The following LGR6 variants were observed in gnomAD, a reference collection of about 807,000 sequenced individuals.
The protein encoded by LGR6 is leucine rich repeat containing G protein-coupled receptor 6.
Under a neutral mutation model 69.4 loss-of-function variants are expected in LGR6, and 45 were observed. That is an observed-to-expected ratio of 0.65 (90% CI 0.51 to 0.83). LGR6 has a LOEUF of 0.83. Ranked by LOEUF, LGR6 falls within the 40% of genes least tolerant of loss-of-function variation. The pLI is 0.00. For missense variants in LGR6, 1,108 were observed against 1,246.7 expected (o/e 0.89, Z 1.68); for synonymous variants, 538 against 555.0 (o/e 0.97, Z 0.43).
intron 1 of LGR6, among the ~76,000 whole-genome samples, chr1:202,197,981 G>A (rs1256161799): frequency 6.6e-6 from 1 of 152,122 alleles, no homozygotes; most frequent in Non-Finnish European, 1.5e-5. Flanking sequence ...CATTTTCATC[G>A]CCCACTGCCA....
At position 202,300,852 on chromosome 1, in the gene LGR6, G is replaced by C. The variant is rs758216363; in HGVS notation, c.789G>C (p.Gly263=). 2 of 1,609,196 alleles carry C rather than the reference G, an allele frequency of 1.2e-6. No homozygotes were observed. Among genetic ancestry groups the C allele is most frequent in the South Asian group, 1.1e-5 (1 of 90,128 alleles). Residue 263 remains glycine (G), a synonymous_variant, in exon 8 of 18, where the codon GGG becomes GGC. Transcript: ENST00000367278. ...IRTLGRLQEL[G]FHNNNIKAIP... ...GGTTCCTGGTGTTGTCTTCCAGGGG[G>C]TTCCATAACAACAACATCAAGGCCA...
rs369670461 is a variant in LGR6 at position 202,318,205 on chromosome 1, C to G, written c.1902C>G (p.Ala634=). 10 of 1,612,822 alleles carry G rather than the reference C, an allele frequency of 6.2e-6. No homozygotes were observed. In the African/African-American group the frequency reaches 1.1e-4, roughly 17 times the overall value. The change falls in exon 18 of 18, where the codon GCC becomes GCG. Residue 634 remains alanine (A), a synonymous_variant. Transcript: ENST00000367278. ...LTFGQFSEYG[A]RWETGLGCRA... ...TTGGTCAGTTCTCTGAGTACGGAGCCCGCTGGGAGACGGGGCTAGGCTGCC... is the reference window on the plus strand; with the variant it reads ...TTGGTCAGTTCTCTGAGTACGGAGCGCGCTGGGAGACGGGGCTAGGCTGCC...
intron 6 of LGR6, among the ~76,000 whole-genome samples, chr1:202,287,066 AG>A (rs1360990383): frequency 6.6e-6 from 1 of 152,208 alleles, no homozygotes; most frequent in Non-Finnish European, 1.5e-5. Context: ...CTTGGCCCAC[AG>A]GTTCCGTAGT....
chr1:202,202,627 G>A (rs1334776645), intron 1 of LGR6, among the ~76,000 whole-genome samples: 1 of 152,226 alleles, frequency 6.6e-6, no homozygotes, highest in African/African-American at 2.4e-5. Context: ...CACAGTGCTT[G>A]GCACATAGCA....
intron 1 of LGR6, among the ~76,000 whole-genome samples, chr1:202,204,537 CCTT>C (rs1558003766): frequency 2.0e-4 from 12 of 61,158 alleles, no homozygotes; most frequent in South Asian, 5.9e-4. Context: ...ACACACACCT[CCTT>C]CAAACACACA....
intron 4 of LGR6, among the ~76,000 whole-genome samples, chr1:202,236,816 T>C (rs1012488420): frequency 1.3e-5 from 2 of 152,146 alleles, no homozygotes; most frequent in African/African-American, 4.8e-5. Context: ...TGAGTCATAG[T>C]GGGCATGCAG....
intron 3 of LGR6, among the ~76,000 whole-genome samples, chr1:202,231,125 G>A (rs1042995174): frequency 2.0e-5 from 3 of 152,226 alleles, no homozygotes; most frequent in Non-Finnish European, 4.4e-5. Flanking sequence ...ACAGAGGAGT[G>A]GCTGGGAGTT....
chr1:202,238,893 G>A (rs552881927), intron 4 of LGR6, among the ~76,000 whole-genome samples: 1 of 152,296 alleles, frequency 6.6e-6, no homozygotes, highest in East Asian at 1.9e-4. Flanking sequence ...TTCTTGTATC[G>A]GTTGGAATCC....
chr1:202,246,855 C>T (rs1031271589), intron 4 of LGR6, among the ~76,000 whole-genome samples: 2 of 152,214 alleles, frequency 1.3e-5, no homozygotes, highest in Non-Finnish European at 2.9e-5. Flanking sequence ...TACCTCATTC[C>T]TTGCAACAAG....
At chr1:202,258,691 A>G (rs903809357) in intron 4 of LGR6, among the ~76,000 whole-genome samples, 1 of 151,934 alleles carries the variant, frequency 6.6e-6, no homozygotes, top group Non-Finnish European at 1.5e-5. Flanking sequence ...GTATTTGATC[A>G]CTTTATTAAA....
chr1:202,268,427 C>T lies in LGR6; in HGVS notation c.429-7879C>T, dbSNP rs1171074094. 2.6e-5 allele frequency among the ~76,000 whole-genome samples: 4 copies of T among 152,210 alleles called. No homozygotes were observed. The highest frequency in any genetic ancestry group is 5.9e-5 in the Non-Finnish European group (4 of 68,032). ...ACGGCTCCCACGTGGAATATTTTCC[C>T]CACAGAATAACCATTTCCATAGTGG... is the stretch of plus-strand genomic sequence containing the variant. On this transcript the variant is annotated intron_variant, in intron 4 of 17. Coordinates refer to ENST00000367278, the MANE Select transcript of LGR6 (RefSeq NM_001017403.2). This position sits in a 1 kb window ranked among gnomAD's most constrained non-coding sequence, Gnocchi z 4.4.
chr1:202,305,628 G>A (rs1653108483), intron 11 of LGR6, 56 bp from the exon 12 acceptor site: 3 of 1,488,520 alleles, frequency 2.0e-6, no homozygotes, highest in South Asian at 1.1e-5. Context: ...CCGTCCCCGA[G>A]CAGCCCTCAG....
At chr1:202,265,040 C>T (rs1374737811) in intron 4 of LGR6, among the ~76,000 whole-genome samples, 1 of 152,188 alleles carries the variant, frequency 6.6e-6, no homozygotes, top group Non-Finnish European at 1.5e-5. Flanking sequence ...TAAATCAAAG[C>T]TGATGAAATC....
At position 202,305,679 on chromosome 1, in the gene LGR6, C is replaced by G; in HGVS notation, c.1071-5C>G. The G allele has an allele frequency of 1.2e-6, 2 of 1,613,452 alleles. No individual in the cohort carries two copies. Among genetic ancestry groups the G allele is most frequent in the East Asian group, 4.5e-5 (2 of 44,882 alleles). Reference sequence around the variant, plus strand: ...CCCCAGCCCTGGCCTTTCTCTTTTCCCCAGGGAACTGTCTCACAATCAAAT... The same window carrying G: ...CCCCAGCCCTGGCCTTTCTCTTTTCGCCAGGGAACTGTCTCACAATCAAAT... On this transcript the variant is annotated splice_region_variant and splice_polypyrimidine_tract_variant and intron_variant, in intron 11 of 17. Transcript: ENST00000367278.
chr1:202,203,889 T>G, intron 1 of LGR6: 3 of 1,597,548 alleles, frequency 1.9e-6, no homozygotes, highest in East Asian at 4.5e-5. Context: ...AGTTGTTGCA[T>G]GAAGCAAGAT....
intron 2 of LGR6, among the ~76,000 whole-genome samples, chr1:202,227,707 C>T (rs1025427488): frequency 6.6e-6 from 1 of 152,168 alleles, no homozygotes; most frequent in Non-Finnish European, 1.5e-5. Flanking sequence ...GTTGACTTCT[C>T]CTAGCCTCAG....
intron 6 of LGR6, among the ~76,000 whole-genome samples, chr1:202,282,307 G>A (rs1177887553): frequency 1.3e-5 from 2 of 152,220 alleles, no homozygotes; most frequent in Non-Finnish European, 2.9e-5. Flanking sequence ...GATGTCCGGG[G>A]AGGTGTCATG....
At position 202,235,809 on chromosome 1, in the gene LGR6, G is replaced by A. The variant is rs1430826133; in HGVS notation, c.357-113G>A. 2.4e-5 allele frequency: 20 copies of A among 822,304 alleles called. No homozygotes were observed. The East Asian group carries it at 4.0e-4, about 16-fold the overall frequency. 50.9% of individuals were successfully genotyped at this position (822,304 alleles called of 1,614,324 possible). The stretch of plus-strand genomic sequence containing the variant: ...GACTCTCTCTGGGGCTCTGAGGCTG[G>A]GGTGAGAAGGAGGGGTCTGGCTTGG... On this transcript the variant is annotated intron_variant, in intron 3 of 17. Transcript: ENST00000367278.
intron 4 of LGR6, among the ~76,000 whole-genome samples, chr1:202,243,951 G>T (rs1162545732): frequency 6.7e-6 from 1 of 149,332 alleles, no homozygotes; most frequent in African/African-American, 2.6e-5. Context: ...TTTTGTTGTT[G>T]TTGTTGTTGT....
Sources: allele counts gnomAD v4.1 joint callset (sites outside exome capture counted in the v4.1 genomes callset), GRCh38; gene constraint gnomAD v4.1.1; non-coding constraint Gnocchi (gnomAD v3.1); transcripts MANE v1.5; gene names NCBI Gene and HGNC (gene_info 2026-07-23, HGNC 2026-07-21).